PRR16: variants seen among roughly 807,000 people sequenced by gnomAD.
PRR16 encodes the protein protein Largen.
PRR16 carries 6 observed loss-of-function variants against 18.2 expected under a neutral mutation model. The observed-to-expected ratio is 0.33, with a 90% CI of 0.18 to 0.65. PRR16 has a LOEUF of 0.65. Ranked by LOEUF, PRR16 falls within the 30% of genes least tolerant of loss-of-function variation. PRR16 has a pLI of 0.74. For missense variants in PRR16, 412 were observed against 376.6 expected (o/e 1.09, Z -0.78); for synonymous variants, 151 against 147.8 (o/e 1.02, Z -0.16).
chr5:120,742,797 C>G, the PRR16 span, among the ~76,000 whole-genome samples: 15 of 152,176 alleles, frequency 9.9e-5, no homozygotes, highest in Admixed American at 9.8e-4. Flanking sequence ...GAACTAAAGT[C>G]AAGGTGTCAG....
At chr5:120,622,192 A>G (rs530991086) in intron 1 of PRR16, among the ~76,000 whole-genome samples, 23 of 152,124 alleles carry the variant, frequency 1.5e-4, no homozygotes, top group South Asian at 6.2e-4. Flanking sequence ...TAAGCCCCTT[A>G]AGAGCATGAG....
intron 1 of PRR16, among the ~76,000 whole-genome samples, chr5:120,589,226 CT>C (rs964530267): frequency 1.3e-5 from 2 of 151,978 alleles, no homozygotes; most frequent in African/African-American, 4.8e-5. Flanking sequence ...AAAGTATGTT[CT>C]TTTTTAAAAA....
intron 1 of PRR16, among the ~76,000 whole-genome samples, chr5:120,529,033 A>G (rs944167217): frequency 3.3e-5 from 5 of 152,058 alleles, no homozygotes; most frequent in Non-Finnish European, 5.9e-5. Flanking sequence ...TTTATGATTC[A>G]ATTTTTGTCT....
chr5:120,483,830 A>T (rs1346218468), intron 1 of PRR16, among the ~76,000 whole-genome samples: 1 of 152,140 alleles, frequency 6.6e-6, no homozygotes, highest in East Asian at 1.9e-4. Context: ...TTAAGTGGGC[A>T]AAGAAATACC....
At chr5:120,533,417 G>A (rs1432130816) in intron 1 of PRR16, among the ~76,000 whole-genome samples, 1 of 152,134 alleles carries the variant, frequency 6.6e-6, no homozygotes, top group African/African-American at 2.4e-5. Context: ...AAATTATATT[G>A]CATTTTAGAA....
At chr5:120,647,996 G>T (rs912125796) in intron 1 of PRR16, among the ~76,000 whole-genome samples, 16 of 151,986 alleles carry the variant, frequency 1.1e-4, no homozygotes, top group African/African-American at 3.9e-4. Flanking sequence ...AAAGGAATGG[G>T]TTAGCAATTA....
chr5:120,583,127 G>A (rs115135582), intron 1 of PRR16, among the ~76,000 whole-genome samples: 3,396 of 152,288 alleles, frequency 0.022, 63 homozygotes, highest in Non-Finnish European at 0.032. Context: ...TCAAATTAGA[G>A]GGTCAGCCAA....
At chr5:120,525,834 T>G (rs1751328390) in intron 1 of PRR16, among the ~76,000 whole-genome samples, 1 of 152,176 alleles carries the variant, frequency 6.6e-6, no homozygotes, top group South Asian at 2.1e-4. Context: ...GTGCAATAGA[T>G]GTTGAGCACA....
chr5:120,648,577 T>C (rs1755673165), intron 1 of PRR16, among the ~76,000 whole-genome samples: 1 of 152,162 alleles, frequency 6.6e-6, no homozygotes, highest in African/African-American at 2.4e-5. Flanking sequence ...CTATTATTTT[T>C]AAATGAATGA....
intron 1 of PRR16, among the ~76,000 whole-genome samples, chr5:120,636,405 C>G (rs1755229559): frequency 6.6e-6 from 1 of 152,136 alleles, no homozygotes. Flanking sequence ...ACCAAAACAG[C>G]ATAGTAGCAG....
intron 1 of PRR16, among the ~76,000 whole-genome samples, chr5:120,668,997 T>C (rs956815867): frequency 6.6e-6 from 1 of 152,206 alleles, no homozygotes; most frequent in Non-Finnish European, 1.5e-5. Flanking sequence ...GCTTATTGTT[T>C]AGGAAAGACT....
chr5:120,538,867 T>G (rs1751815404), intron 1 of PRR16, among the ~76,000 whole-genome samples: 1 of 152,220 alleles, frequency 6.6e-6, no homozygotes, highest in Non-Finnish European at 1.5e-5. Context: ...TGCTTAGGGC[T>G]ACTGCTGGGA....
chr5:120,645,008 A>G (rs1755541437), intron 1 of PRR16, among the ~76,000 whole-genome samples: 2 of 152,122 alleles, frequency 1.3e-5, no homozygotes, highest in Non-Finnish European at 2.9e-5. Flanking sequence ...TTCTGACTAG[A>G]TGCTTTGCCA....
At chr5:120,644,948 G>A (rs572568191) in intron 1 of PRR16, among the ~76,000 whole-genome samples, 94 of 152,140 alleles carry the variant, frequency 6.2e-4, no homozygotes, top group Admixed American at 9.2e-4. Flanking sequence ...CAACTAATTC[G>A]TCTAAAGCCA....
chr5:120,666,247 T>C (rs1399521024), intron 1 of PRR16, among the ~76,000 whole-genome samples: 2 of 152,254 alleles, frequency 1.3e-5, no homozygotes, highest in Admixed American at 1.3e-4. Flanking sequence ...ACTCATGATT[T>C]GGCTCTCTGT....
chr5:120,789,164 T>C, the PRR16 span, among the ~76,000 whole-genome samples: 1 of 152,060 alleles, frequency 6.6e-6, no homozygotes, highest in Non-Finnish European at 1.5e-5. Context: ...AACTTATAAA[T>C]CAATTAATCA....
At chr5:120,710,414 A>G in the PRR16 span, among the ~76,000 whole-genome samples, 1 of 152,182 alleles carries the variant, frequency 6.6e-6, no homozygotes. Context: ...AGTGGAAAAA[A>G]CATAGTCATT....
At chr5:120,569,141 T>C (rs1009960055) in intron 1 of PRR16, among the ~76,000 whole-genome samples, 2 of 152,176 alleles carry the variant, frequency 1.3e-5, no homozygotes, top group African/African-American at 4.8e-5. Context: ...TTGTAAACAT[T>C]TTGTCAGATG....
chr5:120,644,730 CCTT>C (rs1755534844), intron 1 of PRR16, among the ~76,000 whole-genome samples: 1 of 152,054 alleles, frequency 6.6e-6, no homozygotes, highest in Admixed American at 6.6e-5. Context: ...ATTTGAGTTC[CCTT>C]CTTAGAATAA....
Sources: allele counts gnomAD v4.1 joint callset (sites outside exome capture counted in the v4.1 genomes callset), GRCh38; gene constraint gnomAD v4.1.1; transcripts MANE v1.5; gene names NCBI Gene and HGNC (gene_info 2026-07-23, HGNC 2026-07-21).